Variants in ARPC1A observed in about 807,000 individuals in gnomAD.
ARPC1A encodes the protein actin related protein 2/3 complex subunit 1A, also known as actin-related protein 2/3 complex subunit 1A.
A neutral mutation model predicts 46.9 loss-of-function variants in ARPC1A; 8 were observed. The ratio of observed to expected loss-of-function variants is 0.17; its 90% CI spans 0.10 to 0.31. The LOEUF (loss-of-function observed/expected upper bound fraction) is 0.31. ARPC1A is among the 10% of genes least tolerant of loss of function. The pLI, the probability that ARPC1A is intolerant of heterozygous loss-of-function variation, is 1.00. For missense variants in ARPC1A, 286 were observed against 483.6 expected (o/e 0.59, Z 3.83); for synonymous variants, 152 against 169.0 (o/e 0.90, Z 0.78).
chr7:99,358,533 T>A, intron 7 of ARPC1A, 118 bp downstream of exon 7: 6 of 545,656 alleles, frequency 1.1e-5, no homozygotes, highest in East Asian at 3.7e-5. Context: ...GAAACAGAGC[T>A]CACTTTTTTT....
chr7:99,365,615 TAA>T (rs3052172), intron 9 of ARPC1A, among the ~76,000 whole-genome samples: 30 of 138,104 alleles, frequency 2.2e-4, no homozygotes, highest in Non-Finnish European at 1.7e-4. Flanking sequence ...ACCCTATCTT[TAA>T]AAAAAAAAAA....
chr7:99,334,004 TACACAC>T (rs547756931), intron 2 of ARPC1A, among the ~76,000 whole-genome samples: 272 of 141,360 alleles, frequency 1.9e-3, no homozygotes, highest in African/African-American at 2.4e-3. Context: ...TGTGTGTGTG[TACACAC>T]ACACACACAC....
chr7:99,332,794 G>A (rs1793168135), intron 1 of ARPC1A, among the ~76,000 whole-genome samples: 1 of 145,392 alleles, frequency 6.9e-6, no homozygotes, highest in Non-Finnish European at 1.5e-5. Context: ...GTAGAGACGG[G>A]GTTTCACCGT....
chr7:99,338,250 C>T lies in ARPC1A; in HGVS notation c.134C>T (p.Ala45Val), dbSNP rs1793290378. 6.2e-7 allele frequency: 1 copy of T among 1,612,834 alleles called. No homozygotes were observed. The highest frequency in any genetic ancestry group is 8.5e-7 in the Non-Finnish European group (1 of 1,179,324). ...AAGAACGGGAGCCAGTGGGTGAAAG[C>T]TCATGAACTCAAGGAGCACAACGGA... ...YKKNGSQWVK[A>V]HELKEHNGHI... Residue 45 changes from alanine to valine, a missense_variant, in exon 3 of 10, where the codon GCT (alanine) becomes GTT (valine). Physicochemically the swap from Ala to Val is moderately conservative, Grantham distance 64. Coordinates refer to ENST00000262942, the MANE Select transcript of ARPC1A (RefSeq NM_006409.4).
intron 1 of ARPC1A, among the ~76,000 whole-genome samples, chr7:99,332,925 C>T (rs1282065577): frequency 7.9e-6 from 1 of 126,900 alleles, no homozygotes; most frequent in Non-Finnish European, 1.5e-5. Flanking sequence ...GAGACAGAGT[C>T]TCGCTCTGTC....
intron 1 of ARPC1A, among the ~76,000 whole-genome samples, chr7:99,326,606 A>G (rs1413019917): frequency 6.6e-6 from 1 of 152,168 alleles, no homozygotes; most frequent in Non-Finnish European, 1.5e-5. Context: ...TGGCACCACC[A>G]CTTTGTTGAG....
At chr7:99,340,844 G>A (rs1345740832) in intron 3 of ARPC1A, among the ~76,000 whole-genome samples, 1 of 150,868 alleles carries the variant, frequency 6.6e-6, no homozygotes, top group Non-Finnish European at 1.5e-5. Flanking sequence ...TATAAATAAT[G>A]CTCTTGAGCA....
At chr7:99,333,545 G>T in intron 2 of ARPC1A, 128 bp downstream of exon 2, 1 of 785,440 alleles carries the variant, frequency 1.3e-6, no homozygotes, top group African/African-American at 1.8e-5. Context: ...TATACATTCA[G>T]AAGGGAACTA....
At chr7:99,362,972 G>C (rs1245570850) in intron 8 of ARPC1A, among the ~76,000 whole-genome samples, 1 of 152,064 alleles carries the variant, frequency 6.6e-6, no homozygotes, top group Non-Finnish European at 1.5e-5. Context: ...AGGCTGATTT[G>C]AGAGGTTTTG....
At chr7:99,345,521 C>T (rs1793430640) in intron 4 of ARPC1A, among the ~76,000 whole-genome samples, 1 of 152,068 alleles carries the variant, frequency 6.6e-6, no homozygotes, top group Non-Finnish European at 1.5e-5. Context: ...ATTAGCCAGG[C>T]ACAGTGGCAG....
chr7:99,362,187 G>A (rs1291306755), intron 8 of ARPC1A, among the ~76,000 whole-genome samples: 7 of 151,596 alleles, frequency 4.6e-5, no homozygotes, highest in Admixed American at 6.6e-5. Flanking sequence ...CCAGCTACTC[G>A]GGAGTCTGAG....
At chr7:99,351,733 T>C (rs1301519344) in intron 5 of ARPC1A, among the ~76,000 whole-genome samples, 1 of 152,036 alleles carries the variant, frequency 6.6e-6, no homozygotes, top group African/African-American at 2.4e-5. Flanking sequence ...TCATTTGGGG[T>C]GGTAGGGGGG....
chr7:99,352,230 A>T (rs1282669873), intron 5 of ARPC1A, among the ~76,000 whole-genome samples: 1 of 152,190 alleles, frequency 6.6e-6, no homozygotes, highest in Non-Finnish European at 1.5e-5. Context: ...GCAAGGTCTC[A>T]TGTGGGCAAG....
intron 5 of ARPC1A, among the ~76,000 whole-genome samples, chr7:99,351,734 G>T (rs1218195413): frequency 6.6e-6 from 1 of 152,200 alleles, no homozygotes; most frequent in South Asian, 2.1e-4. Context: ...CATTTGGGGT[G>T]GTAGGGGGGA....
At chr7:99,342,957 C>G (rs1220471672) in intron 3 of ARPC1A, among the ~76,000 whole-genome samples, 1 of 151,878 alleles carries the variant, frequency 6.6e-6, no homozygotes, top group African/African-American at 2.4e-5. Flanking sequence ...CTCCTAACCT[C>G]GTGATCCGCC....
At chr7:99,355,016 A>G (rs1328376598) in intron 6 of ARPC1A, among the ~76,000 whole-genome samples, 1 of 151,648 alleles carries the variant, frequency 6.6e-6, no homozygotes, top group African/African-American at 2.4e-5. Flanking sequence ...CAGGAGGCTG[A>G]GTCAGGAGAA....
chr7:99,361,849 C>A (rs1793745563), intron 8 of ARPC1A, among the ~76,000 whole-genome samples: 2 of 152,208 alleles, frequency 1.3e-5, no homozygotes, highest in Non-Finnish European at 1.5e-5. Context: ...CTACTGAACT[C>A]TGGTTGTGGC....
chr7:99,339,374 C>T (rs182823730), intron 3 of ARPC1A, among the ~76,000 whole-genome samples: 14 of 152,112 alleles, frequency 9.2e-5, no homozygotes, highest in Non-Finnish European at 1.9e-4. Context: ...ATAATGAGAC[C>T]CCCCGTTAGC....
intron 8 of ARPC1A, chr7:99,360,003 G>T (rs536144923): frequency 9.9e-5 from 50 of 506,580 alleles, no homozygotes; most frequent in African/African-American, 9.2e-4. Context: ...TGCAGACCTT[G>T]TTGCAATCTG....
Sources: gnomAD v4.1 joint callset for allele counts (sites outside exome capture counted in the v4.1 genomes callset) on GRCh38, gnomAD v4.1.1 for gene constraint, MANE v1.5 for transcripts, NCBI Gene and HGNC (gene_info 2026-07-23, HGNC 2026-07-21) for gene names.